The following OLFM2 variants were observed in gnomAD, a reference collection of about 807,000 sequenced individuals.
OLFM2 encodes olfactomedin 2, also known as noelin-2.
In OLFM2, 20 loss-of-function variants were observed where a neutral mutation model predicts 43.9. The ratio of observed to expected loss-of-function variants is 0.46; its 90% confidence interval spans 0.32 to 0.66. The LOEUF (loss-of-function observed/expected upper bound fraction) is 0.66. Among genes scored for constraint, OLFM2 ranks in the 30% least tolerant of loss-of-function variants. The probability of loss-of-function intolerance (pLI) is 0.04; values close to 1 mark genes in which losing one functional copy is unlikely to be tolerated. For missense variants in OLFM2, 416 were observed against 643.6 expected (o/e 0.65, Z 3.83); for synonymous variants, 268 against 278.6 (o/e 0.96, Z 0.38).
intron 1 of OLFM2, among the ~76,000 whole-genome samples, chr19:9,893,477 T>TCTTA (rs935518319): frequency 3.3e-5 from 5 of 152,072 alleles, no homozygotes; most frequent in Admixed American, 3.3e-4. Flanking sequence ...TCATGGAGCA[T>TCTTA]CTTAACACCT....
intron 1 of OLFM2, among the ~76,000 whole-genome samples, chr19:9,913,304 T>G (rs1367632649): frequency 1.3e-5 from 2 of 152,144 alleles, no homozygotes; most frequent in East Asian, 3.9e-4. Context: ...TCCTTCTGCC[T>G]CCACGTCCGA....
At chr19:9,881,734 G>A (rs1273681391) in intron 1 of OLFM2, among the ~76,000 whole-genome samples, 1 of 151,422 alleles carries the variant, frequency 6.6e-6, no homozygotes, top group Non-Finnish European at 1.5e-5. Flanking sequence ...CTGCTGTCAA[G>A]TGATCCTCCC....
chr19:9,935,777 C>T (rs1444481940), intron 1 of OLFM2, among the ~76,000 whole-genome samples: 1 of 151,824 alleles, frequency 6.6e-6, no homozygotes, highest in Non-Finnish European at 1.5e-5. Context: ...AAACTCCCCC[C>T]GGTCACACCC....
chr19:9,875,128 C>T (rs2046474482), intron 1 of OLFM2, among the ~76,000 whole-genome samples: 2 of 152,324 alleles, frequency 1.3e-5, no homozygotes, highest in South Asian at 4.1e-4. Flanking sequence ...AAGCTTTTCT[C>T]CTTTCAGAAA....
intron 1 of OLFM2, among the ~76,000 whole-genome samples, chr19:9,865,822 A>C (rs866758574): frequency 0.03 from 4,456 of 148,456 alleles, 182 homozygotes; most frequent in African/African-American, 0.093. Flanking sequence ...ATTCTTAAAA[A>C]AAAAAAAAAA....
intron 1 of OLFM2, among the ~76,000 whole-genome samples, chr19:9,868,929 C>CT (rs1380706090): frequency 2.0e-5 from 3 of 149,760 alleles, no homozygotes; most frequent in Non-Finnish European, 4.4e-5. Flanking sequence ...AAGTGAGACC[C>CT]TATCTCAAAA....
At chr19:9,893,956 G>A (rs1182562471) in intron 1 of OLFM2, among the ~76,000 whole-genome samples, 1 of 151,972 alleles carries the variant, frequency 6.6e-6, no homozygotes, top group Non-Finnish European at 1.5e-5. Flanking sequence ...CCCAGCCTCA[G>A]ACACCAAACC....
intron 1 of OLFM2, among the ~76,000 whole-genome samples, chr19:9,886,885 T>C (rs1413925070): frequency 6.6e-6 from 1 of 151,996 alleles, no homozygotes; most frequent in East Asian, 1.9e-4. Flanking sequence ...GGTTTCACCA[T>C]GTTGGCCAGG....
intron 1 of OLFM2, among the ~76,000 whole-genome samples, chr19:9,904,323 T>G (rs1248144763): frequency 6.6e-6 from 1 of 151,910 alleles, no homozygotes; most frequent in Non-Finnish European, 1.5e-5. Flanking sequence ...CCCACGTAGC[T>G]GGGATTATAG....
At position 9,857,308 on chromosome 19, in the gene OLFM2, C is replaced by A. The variant is rs908037289; in HGVS notation, c.535G>T (p.Val179Leu). ...TGGAGCCGGGCCTCCAGGGCCATCA[C>A]CCGTTGCTGCAGGTCCTCATACCCG... ...AYGYEDLQQR[V>L]MALEARLHAC... The change falls in exon 4 of 6, where the codon GTG becomes TTG. Residue 179 changes from valine to leucine, a missense_variant. Transcript: ENST00000264833. This position sits in a 1 kb window ranked among gnomAD's most constrained non-coding sequence, Gnocchi z 5.7. The A allele has an allele frequency of 1.2e-6, 2 of 1,614,034 alleles. No homozygotes were observed. The highest frequency in any genetic ancestry group is 1.7e-6 in the Non-Finnish European group (2 of 1,180,036).
At chr19:9,858,017 G>T in intron 2 of OLFM2, 156 bp from the exon 3 acceptor site, 1 of 889,430 alleles carries the variant, frequency 1.1e-6, no homozygotes. Flanking sequence ...CCTCCCAATT[G>T]CGTGCCCAAT....
At chr19:9,889,115 C>T (rs994090640) in intron 1 of OLFM2, among the ~76,000 whole-genome samples, 19 of 151,850 alleles carry the variant, frequency 1.3e-4, no homozygotes, top group Non-Finnish European at 2.2e-4. Context: ...TAGGAACTCT[C>T]GGTGTGCCCC....
intron 1 of OLFM2, among the ~76,000 whole-genome samples, chr19:9,900,152 C>G (rs529232642): frequency 1.3e-5 from 2 of 152,200 alleles, no homozygotes; most frequent in East Asian, 3.9e-4. Context: ...GGTTAGGAGG[C>G]TTTCAATTCC....
At chr19:9,878,381 CTTTTTTTTT>C (rs34231833) in intron 1 of OLFM2, among the ~76,000 whole-genome samples, 5 of 57,638 alleles carry the variant, frequency 8.7e-5, no homozygotes, top group Non-Finnish European at 1.7e-4. Flanking sequence ...TCATTTCTCT[CTTTTTTTTT>C]TTTTTTTTTT....
At chr19:9,921,544 A>G (rs2145003086) in intron 1 of OLFM2, among the ~76,000 whole-genome samples, 1 of 151,394 alleles carries the variant, frequency 6.6e-6, no homozygotes, top group South Asian at 2.1e-4. Flanking sequence ...GCTGGAGTGC[A>G]GTGGCATGAT....
chr19:9,891,314 GAAA>G (rs56109769), intron 1 of OLFM2, among the ~76,000 whole-genome samples: 112 of 125,680 alleles, frequency 8.9e-4, no homozygotes, highest in African/African-American at 1.1e-3. Context: ...CTCCATCTCG[GAAA>G]AAAAAAAAAA....
rs76733447 is a variant in OLFM2 at position 9,877,160 on chromosome 19, G to T, written c.64-16366C>A. On this transcript the variant is annotated intron_variant, in intron 1 of 5. Coordinates refer to ENST00000264833, the MANE Select transcript of OLFM2 (RefSeq NM_058164.4). ...GATGAGAATCGCTTGAACCAGGTAG[G>T]TGAAGGTTGCGATGAGCCGAGATGG... 2.6e-5 allele frequency among the ~76,000 whole-genome samples: 4 copies of T among 150,952 alleles called. No individual in the cohort carries two copies. The Admixed American group carries it at 2.7e-4, about 10-fold the overall frequency.
intron 1 of OLFM2, among the ~76,000 whole-genome samples, chr19:9,925,478 A>G: frequency 6.6e-6 from 1 of 152,022 alleles, no homozygotes. Context: ...CTTTTTTGAG[A>G]CAGGATCTTA....
rs1042738920 is a variant in OLFM2 at position 9,854,082 on chromosome 19, C to A, written c.*104G>T. 2.0e-6 allele frequency: 2 copies of A among 1,020,618 alleles called. No homozygotes were observed. Among genetic ancestry groups the A allele is most frequent in the Non-Finnish European group, 1.5e-6 (1 of 680,896 alleles). The allele number at this position is 1,020,618 out of a possible 1,614,324, so 63.2% of individuals were successfully genotyped here. On this transcript the variant is annotated 3_prime_UTR_variant, in exon 6 of 6. Transcript: ENST00000264833. This position sits in a 1 kb window ranked among gnomAD's most constrained non-coding sequence, Gnocchi z 9.5. ...CCAGCAAAAAGGCGGGGAGAAAGGG[C>A]GTGACAGAGACAGAGAGATCACCCT...
Sources: allele counts gnomAD v4.1 joint callset (sites outside exome capture counted in the v4.1 genomes callset), GRCh38; gene constraint gnomAD v4.1.1; non-coding constraint Gnocchi (gnomAD v3.1); transcripts MANE v1.5; gene names NCBI Gene and HGNC (gene_info 2026-07-23, HGNC 2026-07-21).